The following GMCL1 variants were observed in gnomAD, a reference collection of about 807,000 sequenced individuals.
GMCL1 encodes germ cell-less 1, spermatogenesis associated.
GMCL1 carries 54 observed loss-of-function variants against 75.5 expected under a neutral mutation model. The observed-to-expected ratio is 0.71, with a 90% CI of 0.57 to 0.90. The LOEUF (loss-of-function observed/expected upper bound fraction) is 0.90, where lower values mean the gene tolerates loss of function less well. Among genes scored for constraint, GMCL1 ranks in the 40% least tolerant of loss-of-function variants. The pLI is 0.00. For missense variants in GMCL1, 537 were observed against 622.7 expected (o/e 0.86, Z 1.47); for synonymous variants, 210 against 209.6 (o/e 1.00, Z -0.02).
chr2:69,842,855 G>A (rs1035491061), intron 4 of GMCL1: 8 of 180,828 alleles, frequency 4.4e-5, no homozygotes, highest in African/African-American at 1.9e-4. Context: ...GTCTCAGACA[G>A]GGGAAGAATA....
At chr2:69,841,632 T>C (rs919080600) in intron 4 of GMCL1, among the ~76,000 whole-genome samples, 6 of 152,296 alleles carry the variant, frequency 3.9e-5, no homozygotes, top group African/African-American at 1.4e-4. Flanking sequence ...AGGGTTGATA[T>C]ACAAACCCAA....
rs1269097456 is a variant in GMCL1, at chr2:69,829,980, C to G, written c.88C>G (p.Arg30Gly). The G allele has an allele frequency of 1.9e-6, 3 of 1,581,664 alleles. No homozygotes were observed. In the Admixed American group the frequency reaches 5.4e-5, roughly 29 times the overall value. Residue 30 changes from arginine to glycine, a missense_variant, in exon 1 of 14, where the codon CGG becomes GGG. By Grantham distance (125) the Arg-to-Gly change is moderately radical (BLOSUM62 -2). This residue lies in a region of GMCL1 where 144 missense variants were observed against 127.2 expected (regional missense o/e 1.13). Coordinates refer to ENST00000282570, the MANE Select transcript of GMCL1 (RefSeq NM_178439.5). ...GGGTGCCAGGGCGGGGGGCTCGGCC[C>G]GGAGGCCGGACACTGGAGACGATGC... Reference protein sequence around the residue: ...AQGARAGGSARRPDTGDDAAG... With the variant: ...AQGARAGGSAGRPDTGDDAAG...
Position 69,867,297 on chromosome 2 carries a change from T to C in GMCL1, c.1218+2322T>C, listed in dbSNP as rs1350805791. Among the ~76,000 whole-genome samples, 4 of 152,242 alleles carry C rather than the reference T, an allele frequency of 2.6e-5. No individual in the cohort carries two copies. The East Asian group carries it at 7.7e-4, about 29-fold the overall frequency. Reference sequence around the variant, plus strand: ...TTATTCTCGGTCGTGTTGATTTCAATATCTCTGTTCCCTGACCTTCCTTCC... The same window carrying C: ...TTATTCTCGGTCGTGTTGATTTCAACATCTCTGTTCCCTGACCTTCCTTCC... On this transcript the variant is annotated intron_variant, in intron 11 of 13. Coordinates refer to ENST00000282570, the MANE Select transcript of GMCL1 (RefSeq NM_178439.5).
intron 11 of GMCL1, among the ~76,000 whole-genome samples, chr2:69,868,280 G>A (rs1253112997): frequency 6.6e-5 from 10 of 151,964 alleles, no homozygotes; most frequent in African/African-American, 2.4e-4. Context: ...CCTCTACTAG[G>A]GCAGAAACTG....
chr2:69,851,354 G>C (rs1046735239), intron 8 of GMCL1, among the ~76,000 whole-genome samples: 1 of 152,172 alleles, frequency 6.6e-6, no homozygotes, highest in Non-Finnish European at 1.5e-5. Context: ...GCTGACGCCT[G>C]TACTCCCAGC....
intron 11 of GMCL1, among the ~76,000 whole-genome samples, chr2:69,868,086 A>G (rs984834496): frequency 6.6e-6 from 1 of 152,140 alleles, no homozygotes; most frequent in Non-Finnish European, 1.5e-5. Context: ...ACTGGACTCT[A>G]TCCATGCTCA....
intron 1 of GMCL1, 105 bp from the exon 2 acceptor site, chr2:69,837,442 T>C (rs919465997): frequency 3.5e-5 from 32 of 926,242 alleles, no homozygotes; most frequent in Non-Finnish European, 6.2e-6. Flanking sequence ...GTAAGTTGAC[T>C]CTATTTAATA....
intron 8 of GMCL1, among the ~76,000 whole-genome samples, chr2:69,853,651 G>A (rs1300956060): frequency 6.6e-6 from 1 of 152,116 alleles, no homozygotes; most frequent in African/African-American, 2.4e-5. Context: ...TAGGGCTCAT[G>A]CACAAATACC....
chr2:69,852,126 A>C (rs1161248578), intron 8 of GMCL1, among the ~76,000 whole-genome samples: 1 of 152,206 alleles, frequency 6.6e-6, no homozygotes, highest in Non-Finnish European at 1.5e-5. Context: ...ATGGTGAAGA[A>C]GTTAAAAAGA....
intron 11 of GMCL1, among the ~76,000 whole-genome samples, chr2:69,867,475 A>G (rs1259543462): frequency 1.3e-5 from 2 of 152,224 alleles, no homozygotes; most frequent in East Asian, 3.9e-4. Context: ...CATTCTCTCT[A>G]GCACCTGGAC....
intron 1 of GMCL1, among the ~76,000 whole-genome samples, chr2:69,833,556 T>TC (rs1326814761): frequency 1.7e-4 from 26 of 152,336 alleles, no homozygotes; most frequent in South Asian, 6.2e-4. Flanking sequence ...GCGGAGGTTG[T>TC]AGTGAGCCAA....
rs1052725117 is a variant in GMCL1, at chr2:69,881,170, A to G, written c.*2166A>G. ...TGGTTCTGTCCTGGCCAAGTTGCTT[A>G]TGTCATCCATAGACAGGATAATTCT... is the stretch of plus-strand genomic sequence containing the variant. On this transcript the variant is annotated 3_prime_UTR_variant, in exon 14 of 14. Coordinates refer to ENST00000282570, the MANE Select transcript of GMCL1 (RefSeq NM_178439.5). 1 of 152,218 alleles carries G rather than the reference A, an allele frequency of 6.6e-6. No individual in the cohort carries two copies. Among genetic ancestry groups the G allele is most frequent in the Admixed American group, 6.5e-5 (1 of 15,280 alleles). The allele number at this position is 152,218 out of a possible 1,614,324, so 9.4% of individuals were successfully genotyped here.
At chr2:69,845,390 T>C (rs1675110636) in intron 6 of GMCL1, among the ~76,000 whole-genome samples, 1 of 152,162 alleles carries the variant, frequency 6.6e-6, no homozygotes, top group East Asian at 1.9e-4. Context: ...ACAAGAAATA[T>C]GGCGGTGACA....
chr2:69,856,717 C>T (rs1348014066), intron 9 of GMCL1, among the ~76,000 whole-genome samples: 1 of 144,094 alleles, frequency 6.9e-6, no homozygotes, highest in Non-Finnish European at 1.5e-5. Context: ...TTCTGGCTCT[C>T]ACACCCTACT....
chr2:69,874,591 G>GT (rs892179569), intron 13 of GMCL1, among the ~76,000 whole-genome samples: 4 of 151,594 alleles, frequency 2.6e-5, no homozygotes, highest in Admixed American at 1.3e-4. Context: ...GTATTGTTGG[G>GT]TTTTTTTATG....
rs147303502 is a variant in GMCL1, at chr2:69,858,073, T to C, written c.1072+3113T>C. On this transcript the variant is annotated intron_variant, in intron 9 of 13. Transcript: ENST00000282570. ...CTCATTTATTCCATTGGGAAAATAC[T>C]GGGTTTATATTCAAAACTGCTGTAG... is the stretch of plus-strand genomic sequence containing the variant. Among the ~76,000 whole-genome samples the C allele has an allele frequency of 4.5e-3, 689 of 152,310 alleles. 7 individuals carry two copies. The highest frequency in any genetic ancestry group is 0.014 in the African/African-American group (593 of 41,568).
At chr2:69,870,707 C>A (rs1254160126) in intron 12 of GMCL1, among the ~76,000 whole-genome samples, 1 of 152,102 alleles carries the variant, frequency 6.6e-6, no homozygotes, top group African/African-American at 2.4e-5. Context: ...CCAAAGACTT[C>A]CATAAACATT....
intron 11 of GMCL1, among the ~76,000 whole-genome samples, chr2:69,865,647 C>CA (rs1054775032): frequency 3.1e-4 from 43 of 139,782 alleles, no homozygotes; most frequent in East Asian, 8.1e-4. Flanking sequence ...GACTCCATCT[C>CA]AAAAAAAAAA....
At chr2:69,847,280 T>G (rs563745090) in intron 6 of GMCL1, among the ~76,000 whole-genome samples, 4 of 152,190 alleles carry the variant, frequency 2.6e-5, no homozygotes, top group Non-Finnish European at 5.9e-5. Flanking sequence ...TTTGTTTCCC[T>G]ATCAGTGTGA....
Sources: gnomAD v4.1 joint callset for allele counts (sites outside exome capture counted in the v4.1 genomes callset) on GRCh38, gnomAD v4.1.1 for gene constraint, gnomAD v4.1.1 regional missense constraint, MANE v1.5 for transcripts, NCBI Gene and HGNC (gene_info 2026-07-23, HGNC 2026-07-21) for gene names.